Variants in GRK7 observed in about 807,000 individuals in gnomAD.
The protein encoded by GRK7 is G protein-coupled receptor kinase 7.
GRK7 carries 24 observed loss-of-function variants against 34.1 expected under a neutral mutation model. The observed-to-expected ratio is 0.70, with a 90% CI of 0.51 to 0.99. The LOEUF is 0.99. GRK7 is among the 50% of genes least tolerant of loss of function. The pLI is 0.00. For synonymous variants in GRK7, 256 were observed against 279.4 expected, an observed-to-expected ratio of 0.92 and a Z score of 0.84; for missense variants, 644 against 707.3, an observed-to-expected ratio of 0.91 and a Z score of 1.02.
At chr3:141,776,841 C>T (rs1367734003) in intron 2 of GRK7, among the ~76,000 whole-genome samples, 1 of 152,134 alleles carries the variant, frequency 6.6e-6, no homozygotes, top group Non-Finnish European at 1.5e-5. Flanking sequence ...TGGCATAATA[C>T]TGAATGACTT....
rs749675735 is a variant in GRK7, at chr3:141,780,408, T to C, written c.647T>C (p.Met216Thr). The C allele has an allele frequency of 4.3e-6, 7 of 1,614,216 alleles. No individual in the cohort carries two copies. The highest frequency in any genetic ancestry group is 5.9e-6 in the Non-Finnish European group (7 of 1,180,054). Residue 216 changes from methionine (M) to threonine (T), a missense_variant, in exon 4 of 6, where the codon ATG becomes ACG. Met to Thr is a moderately conservative substitution (Grantham distance 81, BLOSUM62 -1). Transcript: ENST00000682958. The stretch of plus-strand genomic sequence containing the variant: ...GTCCAGGTGAAAAACACTGGGAAGA[T>C]GTATGCCTGTAAGAAACTGGACAAG... ...CAVQVKNTGK[M>T]YACKKLDKKR...
intron 1 of GRK7, among the ~76,000 whole-genome samples, chr3:141,772,798 G>A (rs1040457249): frequency 5.3e-5 from 8 of 152,226 alleles, no homozygotes; most frequent in African/African-American, 1.9e-4. Context: ...TATCATAAAA[G>A]TTATGATTTT....
At chr3:141,782,351 G>C (rs1226218251) in intron 4 of GRK7, among the ~76,000 whole-genome samples, 3 of 152,160 alleles carry the variant, frequency 2.0e-5, no homozygotes, top group Non-Finnish European at 4.4e-5. Context: ...CTGGGTATGG[G>C]GGTGAGGGGA....
At chr3:141,754,144 T>A in the GRK7 span, among the ~76,000 whole-genome samples, 1 of 152,346 alleles carries the variant, frequency 6.6e-6, no homozygotes, top group East Asian at 1.9e-4. Context: ...AAACTGCTGC[T>A]GCTTAAACAG....
intron 1 of GRK7, among the ~76,000 whole-genome samples, chr3:141,772,606 A>T (rs1002620478): frequency 5.3e-5 from 8 of 152,180 alleles, no homozygotes; most frequent in African/African-American, 1.9e-4. Context: ...TATTTTCCTT[A>T]AACAGTTAAT....
chr3:141,813,680 A>G (rs980583658), intron 5 of GRK7, among the ~76,000 whole-genome samples: 2 of 152,198 alleles, frequency 1.3e-5, no homozygotes, highest in Non-Finnish European at 2.9e-5. Flanking sequence ...GGAAGTGGGT[A>G]GGGCTGGGTC....
At chr3:141,788,632 T>TCTGC (rs1275858584) in intron 4 of GRK7, among the ~76,000 whole-genome samples, 1 of 152,134 alleles carries the variant, frequency 6.6e-6, no homozygotes. Flanking sequence ...AAGGAGCAGG[T>TCTGC]CTGCCCAGGT....
intron 4 of GRK7, among the ~76,000 whole-genome samples, chr3:141,798,663 C>A (rs1376253120): frequency 3.9e-5 from 6 of 152,172 alleles, no homozygotes. Flanking sequence ...CGCTGCTTGG[C>A]GCGTTCTCTC....
intron 5 of GRK7, among the ~76,000 whole-genome samples, chr3:141,812,977 C>G (rs1711108044): frequency 1.3e-5 from 2 of 152,182 alleles, no homozygotes; most frequent in East Asian, 3.8e-4. Context: ...ACATGCAGGT[C>G]TGGGGCTCAT....
At chr3:141,751,613 G>T in the GRK7 span, among the ~76,000 whole-genome samples, 1 of 152,022 alleles carries the variant, frequency 6.6e-6, no homozygotes, top group African/African-American at 2.4e-5. Flanking sequence ...GGGTATGGGG[G>T]GTCTGCCCAC....
chr3:141,770,989 A>G (rs1381500062), intron 1 of GRK7, among the ~76,000 whole-genome samples: 1 of 102,974 alleles, frequency 9.7e-6, no homozygotes, highest in Admixed American at 1.2e-4. Flanking sequence ...AGTGATACCC[A>G]GTCTCAAAAA....
In GRK7 at chr3:141,765,045, C is replaced by T. The variant is rs1011653435; in HGVS notation, c.-908C>T. ...CTGTCTGTGATCCTGTTAAAATGTC[C>T]ATCTGATTGTTGAAAACTTCCAGTG... is the stretch of plus-strand genomic sequence containing the variant. On this transcript the variant is annotated 5_prime_UTR_variant, in exon 1 of 6. Transcript: ENST00000682958. Among the ~76,000 whole-genome samples the T allele has an allele frequency of 6.6e-6, 1 of 152,200 alleles. No individual in the cohort carries two copies. The highest frequency in any genetic ancestry group is 1.5e-5 in the Non-Finnish European group (1 of 68,038).
chr3:141,800,031 TACTG>T (rs1219629450), intron 4 of GRK7, among the ~76,000 whole-genome samples: 1 of 152,216 alleles, frequency 6.6e-6, no homozygotes, highest in Non-Finnish European at 1.5e-5. Context: ...GAATAGAACT[TACTG>T]ACTGCCACTG....
At chr3:141,767,997 A>T (rs937104518) in intron 1 of GRK7, among the ~76,000 whole-genome samples, 4 of 152,242 alleles carry the variant, frequency 2.6e-5, no homozygotes, top group Non-Finnish European at 4.4e-5. Context: ...AATTGGAGTT[A>T]ATAGGAAAGT....
intron 4 of GRK7, among the ~76,000 whole-genome samples, chr3:141,792,545 T>C (rs1351135129): frequency 6.6e-6 from 1 of 151,946 alleles, no homozygotes; most frequent in East Asian, 1.9e-4. Flanking sequence ...GTAAACCACA[T>C]GGGAAATTCA....
intron 5 of GRK7, among the ~76,000 whole-genome samples, chr3:141,808,135 A>G (rs1711055573): frequency 6.6e-6 from 1 of 152,228 alleles, no homozygotes; most frequent in Admixed American, 6.5e-5. Flanking sequence ...TGGAAAAGTG[A>G]GGTGCAAAGC....
At chr3:141,812,251 C>A (rs1314481846) in intron 5 of GRK7, among the ~76,000 whole-genome samples, 1 of 152,194 alleles carries the variant, frequency 6.6e-6, no homozygotes, top group Non-Finnish European at 1.5e-5. Context: ...GAGCAGAAGT[C>A]CTCCCTGCAG....
At chr3:141,786,858 C>G (rs1316775756) in intron 4 of GRK7, among the ~76,000 whole-genome samples, 1 of 151,978 alleles carries the variant, frequency 6.6e-6, no homozygotes, top group Non-Finnish European at 1.5e-5. Context: ...CCTCATCACA[C>G]CTATCCTTTC....
At chr3:141,776,216 G>A (rs536745428) in intron 2 of GRK7, among the ~76,000 whole-genome samples, 1 of 152,196 alleles carries the variant, frequency 6.6e-6, no homozygotes, top group East Asian at 1.9e-4. Context: ...GAACCCAGGA[G>A]GCGGAGTTTG....
Sources: gnomAD v4.1 joint callset for allele counts (sites outside exome capture counted in the v4.1 genomes callset) on GRCh38, gnomAD v4.1.1 for gene constraint, MANE v1.5 for transcripts, NCBI Gene and HGNC (gene_info 2026-07-23, HGNC 2026-07-21) for gene names.